The following PTPRD variants were observed in gnomAD, a reference collection of about 807,000 sequenced individuals.
The protein encoded by PTPRD is protein tyrosine phosphatase receptor type D.
A neutral mutation model predicts 214.5 loss-of-function variants in PTPRD; 34 were observed. That is an observed-to-expected ratio of 0.16 (90% CI 0.12 to 0.21). The LOEUF (loss-of-function observed/expected upper bound fraction) is 0.21, where lower values mean the gene tolerates loss of function less well. Ranked by LOEUF, PTPRD falls within the 10% of genes least tolerant of loss-of-function variation. The probability of loss-of-function intolerance (pLI) is 1.00; values close to 1 mark genes in which losing one functional copy is unlikely to be tolerated. For missense variants in PTPRD, 2,545 were observed against 2,398.7 expected (o/e 1.06, Z -1.27); for synonymous variants, 1,128 against 845.7 (o/e 1.33, Z -5.79).
chr9:8,887,869 T>G (rs1587415480), intron 11 of PTPRD, among the ~76,000 whole-genome samples: 1 of 152,182 alleles, frequency 6.6e-6, no homozygotes, highest in Non-Finnish European at 1.5e-5. Flanking sequence ...TGCAAACACA[T>G]CAGCGCTTTG....
intron 8 of PTPRD, among the ~76,000 whole-genome samples, chr9:9,565,631 G>A (rs779918151): frequency 1.8e-4 from 27 of 151,702 alleles, no homozygotes; most frequent in Non-Finnish European, 3.5e-4. Context: ...ATAGCCACAC[G>A]TTCAGAAATA....
intron 11 of PTPRD, among the ~76,000 whole-genome samples, chr9:8,818,174 T>C (rs1404349532): frequency 2.0e-5 from 3 of 151,988 alleles, no homozygotes; most frequent in Admixed American, 2.0e-4. Flanking sequence ...GCCAAAGGTT[T>C]AAAGCTTTGG....
chr9:10,265,091 G>T (rs1424744839), intron 3 of PTPRD, among the ~76,000 whole-genome samples: 1 of 152,110 alleles, frequency 6.6e-6, no homozygotes, highest in African/African-American at 2.4e-5. Flanking sequence ...AAATTACTCA[G>T]TCTGGGGTAT....
intron 8 of PTPRD, among the ~76,000 whole-genome samples, chr9:9,481,730 G>C (rs887533115): frequency 2.0e-5 from 3 of 152,042 alleles, no homozygotes; most frequent in Admixed American, 6.6e-5. Flanking sequence ...CTGGCGTTCA[G>C]TTCTATTCTT....
chr9:9,275,730 C>A (rs1037864292), intron 9 of PTPRD, among the ~76,000 whole-genome samples: 5 of 151,196 alleles, frequency 3.3e-5, no homozygotes, highest in African/African-American at 1.2e-4. Flanking sequence ...TCATCTGTGT[C>A]CTCTTTAAAG....
intron 6 of PTPRD, among the ~76,000 whole-genome samples, chr9:9,760,043 C>T (rs558897869): frequency 6.6e-6 from 1 of 152,192 alleles, no homozygotes; most frequent in South Asian, 2.1e-4. Context: ...GATTGTCTAT[C>T]ACTAGACATT....
intron 35 of PTPRD, among the ~76,000 whole-genome samples, chr9:8,431,555 T>C (rs1406347082): frequency 1.3e-5 from 2 of 152,228 alleles, no homozygotes; most frequent in African/African-American, 4.8e-5. Flanking sequence ...ACTGTGATGA[T>C]GCCTACTGAT....
At chr9:8,707,468 G>A (rs1177723797) in intron 12 of PTPRD, among the ~76,000 whole-genome samples, 1 of 152,254 alleles carries the variant, frequency 6.6e-6, no homozygotes, top group African/African-American at 2.4e-5. Flanking sequence ...ACATCCAGCA[G>A]AAAGTAGCAG....
chr9:10,299,237 G>A (rs1426675877), intron 3 of PTPRD, among the ~76,000 whole-genome samples: 1 of 151,936 alleles, frequency 6.6e-6, no homozygotes, highest in African/African-American at 2.4e-5. Context: ...ATCAACAATG[G>A]ATAATCATTG....
At chr9:9,593,179 G>A (rs954604677) in intron 7 of PTPRD, among the ~76,000 whole-genome samples, 4 of 148,496 alleles carry the variant, frequency 2.7e-5, no homozygotes, top group Admixed American at 1.3e-4. Context: ...TGAATTTATT[G>A]AGTTTTTACC....
intron 2 of PTPRD, among the ~76,000 whole-genome samples, chr9:10,362,414 CA>C (rs2097411913): frequency 1.3e-5 from 2 of 149,236 alleles, no homozygotes; most frequent in African/African-American, 4.9e-5. Context: ...TCCAGTATAT[CA>C]AAAGGAACTG....
rs554718395 is a variant in PTPRD, at chr9:8,329,199, T to C, written c.5534+2383A>G. Among the ~76,000 whole-genome samples the C allele has an allele frequency of 2.6e-5, 4 of 152,270 alleles. No individual in the cohort carries two copies. The East Asian group carries it at 5.8e-4, about 22-fold the overall frequency. On this transcript the variant is annotated intron_variant, in intron 44 of 45. Coordinates refer to ENST00000381196, the MANE Select transcript of PTPRD (RefSeq NM_002839.4). ...CCTTTGACCTTTGATGATGGTGACC[T>C]TCAGATGGGGTCTCTGGGTGGACGT...
At chr9:9,621,704 C>A (rs1011907162) in intron 7 of PTPRD, among the ~76,000 whole-genome samples, 6 of 152,138 alleles carry the variant, frequency 3.9e-5, no homozygotes, top group Admixed American at 2.0e-4. Context: ...GCATTCTATT[C>A]TTTAATACAT....
Position 9,338,141 on chromosome 9 carries a change from G to A in PTPRD, c.-203+59308C>T, listed in dbSNP as rs767118815. Among the ~76,000 whole-genome samples the A allele has an allele frequency of 3.9e-5, 6 of 152,232 alleles. No individual in the cohort carries two copies. The South Asian group carries it at 6.2e-4, about 16-fold the overall frequency. On this transcript the variant is annotated intron_variant, in intron 9 of 45. Transcript: ENST00000381196. ...TCATTATGGAAAAGCTGCTAATTTC[G>A]TGTTTATTTATTGTTCATCACAGCC...
chr9:9,636,658 A>G (rs2095780443), intron 7 of PTPRD, among the ~76,000 whole-genome samples: 1 of 152,222 alleles, frequency 6.6e-6, no homozygotes, highest in Non-Finnish European at 1.5e-5. Context: ...GAAAGTATAG[A>G]AGACAGATTG....
At chr9:8,913,049 C>A (rs10977358) in intron 11 of PTPRD, among the ~76,000 whole-genome samples, 11,586 of 152,010 alleles carry the variant, frequency 0.076, 936 homozygotes, top group African/African-American at 0.19. Context: ...AATTTATACC[C>A]CGCCATTTTG....
At chr9:9,519,556 G>A (rs538609794) in intron 8 of PTPRD, among the ~76,000 whole-genome samples, 13 of 152,048 alleles carry the variant, frequency 8.5e-5, no homozygotes, top group Non-Finnish European at 1.3e-4. Flanking sequence ...CAAAAGGATC[G>A]TATGAACAAC....
At chr9:9,758,883 A>G (rs2098619435) in intron 6 of PTPRD, among the ~76,000 whole-genome samples, 2 of 152,082 alleles carry the variant, frequency 1.3e-5, no homozygotes, top group African/African-American at 4.8e-5. Flanking sequence ...ACTAATTCTT[A>G]ATAATAAAAA....
At chr9:10,600,491 G>C (rs1409314424) in intron 2 of PTPRD, among the ~76,000 whole-genome samples, 1 of 151,710 alleles carries the variant, frequency 6.6e-6, no homozygotes, top group Non-Finnish European at 1.5e-5. Context: ...CAAAGACCTG[G>C]AGCTCAGCCA....
Sources: allele counts gnomAD v4.1 joint callset (sites outside exome capture counted in the v4.1 genomes callset), GRCh38; gene constraint gnomAD v4.1.1; transcripts MANE v1.5; gene names NCBI Gene and HGNC (gene_info 2026-07-23, HGNC 2026-07-21).